The following FGF12 variants were observed in gnomAD, a reference collection of about 807,000 sequenced individuals.
The protein encoded by FGF12 is fibroblast growth factor 12, also known as fibroblast growth factor 12B.
Under a neutral mutation model 23.6 loss-of-function variants are expected in FGF12, and 14 were observed. That is an observed-to-expected ratio of 0.59 (90% CI 0.39 to 0.93). FGF12 has a LOEUF of 0.93. Ranked by LOEUF, FGF12 falls within the 40% of genes least tolerant of loss-of-function variation. The probability of loss-of-function intolerance (pLI) is 0.00; values close to 1 mark genes in which losing one functional copy is unlikely to be tolerated. For missense variants in FGF12, 175 were observed against 217.8 expected, an observed-to-expected ratio of 0.80 and a Z score of 1.24; for synonymous variants, 62 against 77.3, an observed-to-expected ratio of 0.80 and a Z score of 1.04.
chr3:192,485,004 T>A (rs1229509949), intron 2 of FGF12, among the ~76,000 whole-genome samples: 3 of 150,480 alleles, frequency 2.0e-5, no homozygotes, highest in Non-Finnish European at 4.5e-5. Flanking sequence ...ACATAAATTT[T>A]AAAATTTTAA....
intron 4 of FGF12, among the ~76,000 whole-genome samples, chr3:192,234,499 C>T (rs1407943807): frequency 6.6e-6 from 1 of 152,098 alleles, no homozygotes; most frequent in Non-Finnish European, 1.5e-5. Flanking sequence ...TAATTTGACT[C>T]CCTCTCTTCC....
intron 2 of FGF12, among the ~76,000 whole-genome samples, chr3:192,425,648 A>C (rs975388095): frequency 3.9e-5 from 6 of 152,208 alleles, no homozygotes; most frequent in Non-Finnish European, 8.8e-5. Context: ...AGATATATGG[A>C]GATATATGAT....
chr3:192,165,041 T>A (rs887353168), intron 5 of FGF12, among the ~76,000 whole-genome samples: 8 of 152,060 alleles, frequency 5.3e-5, no homozygotes, highest in Non-Finnish European at 8.8e-5. Flanking sequence ...AAACTCCGAC[T>A]CCCTGGGTTG....
intron 4 of FGF12, among the ~76,000 whole-genome samples, chr3:192,179,665 C>A (rs1471817707): frequency 6.6e-6 from 1 of 151,936 alleles, no homozygotes; most frequent in African/African-American, 2.4e-5. Flanking sequence ...CATGCCTCAG[C>A]CTCCCAAGTT....
At chr3:192,265,411 TA>T (rs1399060538) in intron 4 of FGF12, 1 of 152,112 alleles carries the variant, frequency 6.6e-6, no homozygotes, top group African/African-American at 2.4e-5. Context: ...TGGCCTCATA[TA>T]AAGGGTAGGT....
chr3:192,592,596 G>A (rs1232935215), intron 2 of FGF12, among the ~76,000 whole-genome samples: 1 of 151,854 alleles, frequency 6.6e-6, no homozygotes, highest in East Asian at 1.9e-4. Flanking sequence ...TCCTCGCCCA[G>A]TTGTTGCTCC....
chr3:192,458,430 C>T (rs2108805709), intron 2 of FGF12, among the ~76,000 whole-genome samples: 1 of 152,330 alleles, frequency 6.6e-6, no homozygotes, highest in South Asian at 2.1e-4. Flanking sequence ...CCATGGAAAC[C>T]CACCTCTTGC....
Position 192,408,417 on chromosome 3 carries a change from T to A in FGF12, c.14-47879A>T. On this transcript the variant is annotated intron_variant, in intron 2 of 5. Coordinates refer to ENST00000445105, the MANE Select transcript of FGF12 (RefSeq NM_004113.6). This position sits in a 1 kb window ranked among gnomAD's most constrained non-coding sequence, Gnocchi z 7.3. ...CAAAGTCTGGGCAGTGGCGACAAAA[T>A]GTGTGAAAATCCAGATGTAAACTTC... 5.0e-6 allele frequency: 7 copies of A among 1,398,250 alleles called. No homozygotes were observed. The highest frequency in any genetic ancestry group is 6.5e-6 in the Non-Finnish European group (7 of 1,082,034). The allele number at this position is 1,398,250 out of a possible 1,614,324, so 86.6% of individuals were successfully genotyped here.
In FGF12 at chr3:192,514,957, G is replaced by C. The variant is rs1016768278; in HGVS notation, c.14-154419C>G. ...ACGCGGAAGTGCCGGTCCGCCGGGG[G>C]CAGCCCTCCGAGAGCCCGAGGCGCT... On this transcript the variant is annotated intron_variant, in intron 2 of 5. Coordinates refer to ENST00000445105, the MANE Select transcript of FGF12 (RefSeq NM_004113.6). The surrounding 1 kb of genome is among the most constrained non-coding windows in gnomAD (Gnocchi z 4.9). 1.1e-5 allele frequency: 9 copies of C among 805,604 alleles called. No homozygotes were observed. In the African/African-American group the frequency reaches 1.7e-4, roughly 15 times the overall value. The allele number at this position is 805,604 out of a possible 1,614,324, so 49.9% of individuals were successfully genotyped here. A position where few individuals can be genotyped will look rare whatever the true frequency, so the allele number is the denominator to read the frequency against.
intron 2 of FGF12, among the ~76,000 whole-genome samples, chr3:192,439,103 T>C (rs1722116318): frequency 6.6e-6 from 1 of 152,190 alleles, no homozygotes; most frequent in African/African-American, 2.4e-5. Flanking sequence ...TATGGAATAT[T>C]ACAAAAGGCA....
chr3:192,563,308 C>G (rs981450519), intron 2 of FGF12, among the ~76,000 whole-genome samples: 1 of 152,166 alleles, frequency 6.6e-6, no homozygotes, highest in Non-Finnish European at 1.5e-5. Flanking sequence ...TAATATCTCT[C>G]ATATCCCAAG....
chr3:192,305,679 A>AAAAAATATATATATATATAT (rs1423738741), intron 4 of FGF12, among the ~76,000 whole-genome samples: 1 of 131,936 alleles, frequency 7.6e-6, no homozygotes, highest in South Asian at 2.6e-4. Flanking sequence ...AAAAAAAAAA[A>AAAAAATATATATATATATAT]ATATATATAT....
rs1377762202 is a variant in FGF12, at chr3:192,167,757, ATATATATATATAAAATTTTTT to A, written c.427+2680_427+2700del. ...TATATATATATATATATATATATAT[ATATATATATATAAAATTTTTT>A]TTTTTTTTTTTTTTTGAGAAAGAAT... is the stretch of plus-strand genomic sequence containing the variant. On this transcript the variant is annotated intron_variant, in intron 5 of 5. Coordinates refer to ENST00000445105, the MANE Select transcript of FGF12 (RefSeq NM_004113.6). 3.6e-4 allele frequency among the ~76,000 whole-genome samples: 11 copies of A among 30,578 alleles called. 2 individuals are homozygous for A. The highest frequency in any genetic ancestry group is 2.0e-3 in the East Asian group (3 of 1,506). 20.1% of individuals were successfully genotyped at this position (30,578 alleles called of 152,430 possible).
At chr3:192,463,103 T>C (rs947415790) in intron 2 of FGF12, among the ~76,000 whole-genome samples, 4 of 152,194 alleles carry the variant, frequency 2.6e-5, no homozygotes, top group South Asian at 2.1e-4. Context: ...CTGTTCAAAG[T>C]TGTTACTTTA....
chr3:192,310,894 T>A lies in FGF12; in HGVS notation c.228+24467A>T, dbSNP rs533057047. On this transcript the variant is annotated intron_variant, in intron 4 of 5. Coordinates refer to ENST00000445105, the MANE Select transcript of FGF12 (RefSeq NM_004113.6). Reference sequence around the variant, plus strand: ...ACAGCTTCACAACGAAAACATGGATTCCACTCTGTTTCCACTACTTCTTCC... The same window carrying A: ...ACAGCTTCACAACGAAAACATGGATACCACTCTGTTTCCACTACTTCTTCC... Among the ~76,000 whole-genome samples, 178 of 152,308 alleles carry A rather than the reference T, an allele frequency of 1.2e-3. 1 individual carries two copies. The highest frequency in any genetic ancestry group is 4.2e-3 in the African/African-American group (174 of 41,580).
chr3:192,450,444 A>G (rs1203734078), intron 2 of FGF12, among the ~76,000 whole-genome samples: 1 of 152,216 alleles, frequency 6.6e-6, no homozygotes, highest in Non-Finnish European at 1.5e-5. Flanking sequence ...AATACTAAAC[A>G]TAGATAGAAC....
At position 192,408,769 on chromosome 3, in the gene FGF12, G is replaced by A. The variant is rs990139998; in HGVS notation, c.14-48231C>T. ...GAAAATACTAAAAAGTGAATAAAAC[G>A]TTCCTTTAGAAAACAAGCCACCAAC... On this transcript the variant is annotated intron_variant, in intron 2 of 5. Transcript: ENST00000445105. This position sits in a 1 kb window ranked among gnomAD's most constrained non-coding sequence, Gnocchi z 7.3. 1 of 985,968 alleles carries A rather than the reference G, an allele frequency of 1.0e-6. No individual in the cohort carries two copies. The highest frequency in any genetic ancestry group is 1.1e-4 in the East Asian group (1 of 8,814). 61.1% of individuals were successfully genotyped at this position (985,968 alleles called of 1,614,324 possible). A position where few individuals can be genotyped will look rare whatever the true frequency, so the allele number is the denominator to read the frequency against.
At chr3:192,553,190 C>A (rs1374311039) in intron 2 of FGF12, among the ~76,000 whole-genome samples, 1 of 151,932 alleles carries the variant, frequency 6.6e-6, no homozygotes, top group Non-Finnish European at 1.5e-5. Flanking sequence ...ATTAGAAGTG[C>A]TGAATATATG....
At chr3:192,228,831 G>A (rs552525217) in intron 4 of FGF12, among the ~76,000 whole-genome samples, 3 of 152,152 alleles carry the variant, frequency 2.0e-5, no homozygotes, top group African/African-American at 4.8e-5. Context: ...AAATTATTCC[G>A]TACAACTTTT....
Sources: gnomAD v4.1 joint callset for allele counts (sites outside exome capture counted in the v4.1 genomes callset) on GRCh38, gnomAD v4.1.1 for gene constraint, Gnocchi (gnomAD v3.1) non-coding constraint, MANE v1.5 for transcripts, NCBI Gene and HGNC (gene_info 2026-07-23, HGNC 2026-07-21) for gene names.